ATRX: variants seen among roughly 807,000 people sequenced by gnomAD.
ATRX encodes the protein ATRX chromatin remodeler.
ATRX carries 12 observed loss-of-function variants against 172.6 expected under a neutral mutation model. The ratio of observed to expected loss-of-function variants is 0.07; its 90% CI spans 0.04 to 0.11. The LOEUF (loss-of-function observed/expected upper bound fraction) is 0.11. Ranked by LOEUF, ATRX falls within the 10% of genes least tolerant of loss-of-function variation. The pLI is 1.00. For missense variants in ATRX, 1,368 were observed against 1,767.4 expected (o/e 0.77, Z 4.05); for synonymous variants, 674 against 594.7 (o/e 1.13, Z -1.94).
intron 28 of ATRX, among the ~76,000 whole-genome samples, chrX:77,569,043 G>T (rs1557066038): frequency 9.0e-6 from 1 of 111,120 alleles, no homozygotes; most frequent in African/African-American, 3.3e-5. Flanking sequence ...GAGCCTAGGA[G>T]TTCGAGGCTG....
intron 2 of ATRX, among the ~76,000 whole-genome samples, chrX:77,716,027 C>A (rs2073358235): frequency 9.3e-6 from 1 of 106,961 alleles, no homozygotes; most frequent in Non-Finnish European, 1.9e-5. Flanking sequence ...TTCAGCTACT[C>A]AGGAGGCTGA....
At chrX:77,696,113 A>T (rs2072175208) in intron 5 of ATRX, among the ~76,000 whole-genome samples, 1 of 112,146 alleles carries the variant, frequency 8.9e-6, no homozygotes. Context: ...AAATACAACT[A>T]AATCTATCTA....
intron 1 of ATRX, among the ~76,000 whole-genome samples, chrX:77,731,085 TAA>T (rs782512439): frequency 6.2e-5 from 3 of 48,524 alleles, no homozygotes; most frequent in African/African-American, 2.4e-4. Context: ...TTGGCCAGAG[TAA>T]AAAAAAAAAA....
intron 1 of ATRX, among the ~76,000 whole-genome samples, chrX:77,759,496 T>C (rs368215520): frequency 1.8e-4 from 20 of 111,191 alleles, no homozygotes; most frequent in East Asian, 1.1e-3. Flanking sequence ...GGTGGATCAC[T>C]TGAGGTCAGG....
intron 15 of ATRX, among the ~76,000 whole-genome samples, chrX:77,638,684 A>G (rs782094939): frequency 8.9e-6 from 1 of 112,891 alleles, no homozygotes; most frequent in East Asian, 2.8e-4. Context: ...AAAACTACAA[A>G]TAAGTCACAG....
intron 5 of ATRX, among the ~76,000 whole-genome samples, chrX:77,694,900 G>A (rs1239290945): frequency 9.6e-5 from 6 of 62,477 alleles, no homozygotes; most frequent in African/African-American, 3.3e-4. Context: ...CTCTGAAAGG[G>A]TGGGGGGGGG....
intron 1 of ATRX, among the ~76,000 whole-genome samples, chrX:77,766,231 G>A (rs1557195493): frequency 2.7e-5 from 3 of 112,538 alleles, no homozygotes; most frequent in East Asian, 5.7e-4. Context: ...GGTGGTGGCC[G>A]GGCAGAGGGG....
chrX:77,775,993 A>C (rs1479600742), intron 1 of ATRX, among the ~76,000 whole-genome samples: 5 of 111,545 alleles, frequency 4.5e-5, no homozygotes, highest in African/African-American at 1.6e-4. Flanking sequence ...TGGCCACCCA[A>C]AGTGGTGGGA....
chrX:77,665,563 A>G (rs1557125728), intron 10 of ATRX, among the ~76,000 whole-genome samples: 4 of 111,968 alleles, frequency 3.6e-5, no homozygotes, highest in Non-Finnish European at 1.9e-5. Context: ...TACTAAAAGC[A>G]TAAGAAAACA....
At chrX:77,776,941 A>G (rs1410148938) in intron 1 of ATRX, among the ~76,000 whole-genome samples, 1 of 111,058 alleles carries the variant, frequency 9.0e-6, no homozygotes, top group African/African-American at 3.3e-5. Context: ...CTTTCAATAC[A>G]GGGCCAGACA....
intron 34 of ATRX, among the ~76,000 whole-genome samples, chrX:77,518,642 CA>C (rs782807966): frequency 5.6e-5 from 6 of 107,469 alleles, no homozygotes; most frequent in African/African-American, 1.7e-4. Context: ...TTCACAGAAA[CA>C]AAAAAAAAAT....
At chrX:77,565,746 C>T (rs1557064216) in intron 28 of ATRX, among the ~76,000 whole-genome samples, 1 of 110,472 alleles carries the variant, frequency 9.1e-6, no homozygotes, top group Non-Finnish European at 1.9e-5. Context: ...ATCCCAGCTA[C>T]TTGGGTGGCT....
At chrX:77,662,842 C>T (rs957379805) in intron 12 of ATRX, among the ~76,000 whole-genome samples, 1 of 110,608 alleles carries the variant, frequency 9.0e-6, no homozygotes, top group Non-Finnish European at 1.9e-5. Flanking sequence ...ACTACAGGTG[C>T]GTGCCACCAA....
chrX:77,708,664 A>AAAAAATAAAAAT (rs199569716), intron 2 of ATRX, among the ~76,000 whole-genome samples: 2 of 109,820 alleles, frequency 1.8e-5, no homozygotes, highest in African/African-American at 6.6e-5. Flanking sequence ...TGTCTCAAAA[A>AAAAAATAAAAAT]AAAAATAAAA....
At chrX:77,703,738 T>A (rs185671375) in intron 2 of ATRX, among the ~76,000 whole-genome samples, 2 of 111,972 alleles carry the variant, frequency 1.8e-5, no homozygotes, top group East Asian at 2.8e-4. Flanking sequence ...CCAAGAAGAA[T>A]GAGGTGCATA....
intron 1 of ATRX, among the ~76,000 whole-genome samples, chrX:77,726,146 T>C (rs2074023017): frequency 9.0e-6 from 1 of 111,430 alleles, no homozygotes; most frequent in Non-Finnish European, 1.9e-5. Flanking sequence ...GGATTATCAA[T>C]CATGCTGCTA....
rs781792591 is a variant in ATRX, at chrX:77,683,527, T to C, written c.1729A>G (p.Lys577Glu). Residue 577 changes from lysine (K) to glutamate (E), a missense_variant, in exon 9 of 35, where the codon AAA becomes GAA. Coordinates refer to ENST00000373344, the MANE Select transcript of ATRX (RefSeq NM_000489.6). ...SKDNRGGIKS[K>E]TTAKVTKELY... Reference sequence around the variant, plus strand: ...TCTTTTGTTACTTTAGCTGTAGTTTTTGATTTAATACCTCCTCTGTTGTCT... The same window carrying C: ...TCTTTTGTTACTTTAGCTGTAGTTTCTGATTTAATACCTCCTCTGTTGTCT... 8.3e-7 allele frequency: 1 copy of C among 1,208,713 alleles called. No individual in the cohort carries two copies. The highest frequency in any genetic ancestry group is 1.8e-5 in the South Asian group (1 of 56,858).
chrX:77,766,053 T>C (rs1329853812), intron 1 of ATRX, among the ~76,000 whole-genome samples: 1 of 112,339 alleles, frequency 8.9e-6, no homozygotes, highest in Non-Finnish European at 1.9e-5. Context: ...GAATTTTTCT[T>C]AGTACAGAAC....
intron 27 of ATRX, among the ~76,000 whole-genome samples, chrX:77,587,578 T>C (rs2066074875): frequency 8.9e-6 from 1 of 111,822 alleles, no homozygotes; most frequent in African/African-American, 3.2e-5. Flanking sequence ...TCTTGCCACT[T>C]TCACTCAACA....
Sources: allele counts gnomAD v4.1 joint callset (sites outside exome capture counted in the v4.1 genomes callset), GRCh38; gene constraint gnomAD v4.1.1; transcripts MANE v1.5; gene names NCBI Gene and HGNC (gene_info 2026-07-23, HGNC 2026-07-21).